The following CBLB variants were observed in gnomAD, a reference collection of about 807,000 sequenced individuals.
CBLB encodes E3 ubiquitin-protein ligase CBL-B.
In CBLB, 31 loss-of-function variants were observed where a neutral mutation model predicts 104.9. The observed-to-expected ratio is 0.30, with a 90% CI of 0.22 to 0.40. The LOEUF (loss-of-function observed/expected upper bound fraction) is 0.40, where lower values mean the gene tolerates loss of function less well. Ranked by LOEUF, CBLB falls within the 10% of genes least tolerant of loss-of-function variation. CBLB has a pLI of 1.00. For synonymous variants in CBLB, 440 were observed against 422.6 expected, an observed-to-expected ratio of 1.04 and a Z score of -0.51; for missense variants, 1,062 against 1,214.6, an observed-to-expected ratio of 0.87 and a Z score of 1.87.
At chr3:105,759,791 T>C (rs1454807532) in intron 4 of CBLB, among the ~76,000 whole-genome samples, 1 of 152,078 alleles carries the variant, frequency 6.6e-6, no homozygotes, top group Non-Finnish European at 1.5e-5. Flanking sequence ...GATGCCCAGG[T>C]CCATAGCTGC....
intron 13 of CBLB, among the ~76,000 whole-genome samples, chr3:105,692,948 A>C (rs1164255454): frequency 6.6e-6 from 1 of 150,868 alleles, no homozygotes; most frequent in East Asian, 1.9e-4. Flanking sequence ...CCGTAAACCC[A>C]TTGATACTAA....
intron 12 of CBLB, 152 bp downstream of exon 12, chr3:105,701,942 A>G (rs1195126976): frequency 1.2e-6 from 1 of 809,954 alleles, no homozygotes; most frequent in East Asian, 2.4e-5. Context: ...AGTTTTAATG[A>G]GCTTCTGATT....
chr3:105,711,081 T>G (rs1489175082), intron 10 of CBLB, among the ~76,000 whole-genome samples: 1 of 151,880 alleles, frequency 6.6e-6, no homozygotes. Flanking sequence ...GGCAAAACAT[T>G]TGGTAAGAAA....
intron 18 of CBLB, among the ~76,000 whole-genome samples, chr3:105,662,939 TA>T (rs543146349): frequency 3.3e-5 from 5 of 152,190 alleles, no homozygotes; most frequent in Non-Finnish European, 7.3e-5. Flanking sequence ...AGACTGTCAT[TA>T]GGAGAGTTAC....
intron 3 of CBLB, among the ~76,000 whole-genome samples, chr3:105,798,456 A>G (rs2082479245): frequency 6.6e-6 from 1 of 152,226 alleles, no homozygotes; most frequent in Non-Finnish European, 1.5e-5. Flanking sequence ...ATCTAGCCCT[A>G]TCTAGAGATT....
At chr3:105,777,903 G>A (rs539485892) in intron 3 of CBLB, among the ~76,000 whole-genome samples, 89 of 152,010 alleles carry the variant, frequency 5.9e-4, no homozygotes, top group Non-Finnish European at 1.1e-3. Context: ...TACGTTAATC[G>A]GCATAAAACT....
chr3:105,757,395 G>C (rs2077177439), intron 4 of CBLB, among the ~76,000 whole-genome samples: 1 of 152,142 alleles, frequency 6.6e-6, no homozygotes, highest in Non-Finnish European at 1.5e-5. Context: ...TTTCAACTAT[G>C]TATGATTTAT....
chr3:105,698,573 C>T (rs2068683324), intron 12 of CBLB, among the ~76,000 whole-genome samples: 1 of 121,484 alleles, frequency 8.2e-6, no homozygotes, highest in South Asian at 2.9e-4. Context: ...ATGAAAACTA[C>T]TAAACCTAAG....
intron 3 of CBLB, among the ~76,000 whole-genome samples, chr3:105,786,534 G>A (rs1268486652): frequency 6.6e-6 from 1 of 152,116 alleles, no homozygotes; most frequent in East Asian, 1.9e-4. Context: ...TCTAAAAAGT[G>A]TTAGTCCTTC....
At chr3:105,768,053 G>A (rs1439743671) in intron 4 of CBLB, among the ~76,000 whole-genome samples, 1 of 152,164 alleles carries the variant, frequency 6.6e-6, no homozygotes, top group Non-Finnish European at 1.5e-5. Flanking sequence ...GTTCCTGAAA[G>A]CCTGTATATA....
intron 4 of CBLB, chr3:105,762,001 G>A (rs771283787): frequency 6.6e-6 from 1 of 152,214 alleles, no homozygotes; most frequent in Non-Finnish European, 1.5e-5. Context: ...TTTTAGCAAA[G>A]AGACTGGCAG....
intron 9 of CBLB, among the ~76,000 whole-genome samples, chr3:105,721,106 C>A (rs989350452): frequency 2.0e-5 from 3 of 152,148 alleles, no homozygotes; most frequent in African/African-American, 7.2e-5. Context: ...ATATTCTCCA[C>A]CCGATTTTTG....
At chr3:105,753,455 C>T (rs948960142) in intron 4 of CBLB, among the ~76,000 whole-genome samples, 2 of 151,840 alleles carry the variant, frequency 1.3e-5, no homozygotes, top group Admixed American at 1.3e-4. Context: ...TTATGTCCAG[C>T]TTCATTATAA....
intron 17 of CBLB, among the ~76,000 whole-genome samples, chr3:105,674,219 A>T (rs1330370964): frequency 1.3e-5 from 2 of 152,226 alleles, no homozygotes; most frequent in Non-Finnish European, 2.9e-5. Flanking sequence ...TTCACTCCTC[A>T]GATTTGAATT....
At chr3:105,708,607 C>T (rs1257180452) in intron 10 of CBLB, among the ~76,000 whole-genome samples, 1 of 151,798 alleles carries the variant, frequency 6.6e-6, no homozygotes, top group Non-Finnish European at 1.5e-5. Flanking sequence ...CCACAGATCT[C>T]CTATATTTAA....
intron 3 of CBLB, among the ~76,000 whole-genome samples, chr3:105,830,610 T>C (rs2087352254): frequency 6.6e-6 from 1 of 152,174 alleles, no homozygotes; most frequent in Non-Finnish European, 1.5e-5. Flanking sequence ...AAGTAAATAA[T>C]TTACAGTCTA....
intron 18 of CBLB, among the ~76,000 whole-genome samples, chr3:105,668,335 G>A (rs1181462539): frequency 1.3e-5 from 2 of 152,070 alleles, no homozygotes; most frequent in African/African-American, 4.8e-5. Flanking sequence ...GTTCCTCTGG[G>A]CTCTACAACA....
intron 4 of CBLB, among the ~76,000 whole-genome samples, chr3:105,774,091 C>T (rs879495067): frequency 6.6e-6 from 1 of 152,282 alleles, no homozygotes; most frequent in African/African-American, 2.4e-5. Flanking sequence ...ATCTTGAGGG[C>T]GCTGCCCTCA....
chr3:105,716,286 T>C (rs990407745), intron 10 of CBLB, among the ~76,000 whole-genome samples: 10 of 152,126 alleles, frequency 6.6e-5, no homozygotes, highest in Admixed American at 5.9e-4. Context: ...TGGAACAAAG[T>C]TTAAAATATG....
Sources: gnomAD v4.1 joint callset for allele counts (sites outside exome capture counted in the v4.1 genomes callset) on GRCh38, gnomAD v4.1.1 for gene constraint, MANE v1.5 for transcripts, NCBI Gene and HGNC (gene_info 2026-07-23, HGNC 2026-07-21) for gene names.